PLS1: variants seen among roughly 807,000 people sequenced by gnomAD.
The protein encoded by PLS1 is plastin-1.
Under a neutral mutation model 73.7 loss-of-function variants are expected in PLS1, and 32 were observed. The observed-to-expected ratio is 0.43, with a 90% CI of 0.33 to 0.58. The LOEUF is 0.58. PLS1 is among the 20% of genes least tolerant of loss of function. The probability of loss-of-function intolerance (pLI) is 0.04; values close to 1 mark genes in which losing one functional copy is unlikely to be tolerated. For synonymous variants in PLS1, 217 were observed against 261.3 expected (o/e 0.83, Z 1.63); for missense variants, 633 against 740.5 (o/e 0.85, Z 1.68).
At chr3:142,630,813 TAG>T (rs915380177) in intron 1 of PLS1, among the ~76,000 whole-genome samples, 5 of 150,524 alleles carry the variant, frequency 3.3e-5, no homozygotes, top group Non-Finnish European at 5.9e-5. Flanking sequence ...TTGAAAAAAA[TAG>T]AGAGTGTACA....
intron 1 of PLS1, among the ~76,000 whole-genome samples, chr3:142,660,482 A>G (rs532244957): frequency 1.1e-3 from 162 of 152,110 alleles, no homozygotes; most frequent in Non-Finnish European, 2.1e-3. Flanking sequence ...GTTGGGCAAA[A>G]CTTTCTGACA....
intron 1 of PLS1, among the ~76,000 whole-genome samples, chr3:142,637,548 A>G (rs1027315503): frequency 2.0e-5 from 3 of 152,234 alleles, no homozygotes; most frequent in African/African-American, 7.2e-5. Context: ...CCTTAAAGCT[A>G]TTAAAAATCA....
intron 1 of PLS1, among the ~76,000 whole-genome samples, chr3:142,599,094 C>G (rs1371199649): frequency 2.0e-5 from 3 of 151,918 alleles, no homozygotes; most frequent in Non-Finnish European, 4.4e-5. Context: ...GATAAGCTCT[C>G]TGAAGGATGA....
chr3:142,654,191 T>C (rs1347430511), intron 1 of PLS1, among the ~76,000 whole-genome samples: 1 of 152,186 alleles, frequency 6.6e-6, no homozygotes, highest in African/African-American at 2.4e-5. Context: ...GGAGGGGATG[T>C]AGGTAAGCCC....
At chr3:142,665,536 A>G (rs1056315939) in intron 2 of PLS1, among the ~76,000 whole-genome samples, 1 of 152,194 alleles carries the variant, frequency 6.6e-6, no homozygotes, top group Non-Finnish European at 1.5e-5. Context: ...AAACTGGGCA[A>G]TTGTTGAAAT....
At chr3:142,641,932 TTTCTAC>T (rs2036851457) in intron 1 of PLS1, among the ~76,000 whole-genome samples, 1 of 152,124 alleles carries the variant, frequency 6.6e-6, no homozygotes, top group Non-Finnish European at 1.5e-5. Flanking sequence ...TGGCCTTTCT[TTTCTAC>T]TTCTAACTTT....
rs1467793359 is a variant in PLS1 at position 142,686,335 on chromosome 3, G to A, written c.940G>A (p.Glu314Lys). 1 of 1,611,772 alleles carries A rather than the reference G, an allele frequency of 6.2e-7. No homozygotes were observed. The highest frequency in any genetic ancestry group is 8.5e-7 in the Non-Finnish European group (1 of 1,177,912). Residue 314 changes from glutamate to lysine, a missense_variant, in exon 9 of 16, where the codon GAA becomes AAA. Physicochemically the swap from Glu to Lys is moderately conservative, Grantham distance 56. Coordinates refer to ENST00000457734, the MANE Select transcript of PLS1 (RefSeq NM_001145319.2). ...LLNQIAPKGG[E>K]DGPAIAIDLS... ...TAATCAGATTGCCCCTAAAGGTGGG[G>A]AAGATGGACCTGCCATTGCCATTGA...
At chr3:142,687,947 G>GT (rs1441539742) in intron 9 of PLS1, among the ~76,000 whole-genome samples, 3 of 138,130 alleles carry the variant, frequency 2.2e-5, no homozygotes, top group Admixed American at 7.0e-5. Flanking sequence ...GTCTTTATTT[G>GT]TTTGTTTTTT....
chr3:142,655,167 T>G (rs1482278393), intron 1 of PLS1, among the ~76,000 whole-genome samples: 1 of 151,986 alleles, frequency 6.6e-6, no homozygotes, highest in Admixed American at 6.6e-5. Flanking sequence ...GAATAATACA[T>G]AAGAAATGAA....
At chr3:142,607,394 C>T (rs1244093648) in intron 1 of PLS1, among the ~76,000 whole-genome samples, 1 of 152,184 alleles carries the variant, frequency 6.6e-6, no homozygotes, top group Non-Finnish European at 1.5e-5. Context: ...ATTCTCCTGC[C>T]TCAGCCTCCT....
intron 1 of PLS1, among the ~76,000 whole-genome samples, chr3:142,630,591 A>G (rs1435966957): frequency 6.6e-6 from 1 of 151,744 alleles, no homozygotes; most frequent in Non-Finnish European, 1.5e-5. Flanking sequence ...TCTCTACTAA[A>G]ATTACAAAAA....
At chr3:142,663,540 A>T (rs1167734775) in intron 1 of PLS1, among the ~76,000 whole-genome samples, 2 of 152,114 alleles carry the variant, frequency 1.3e-5, no homozygotes, top group Non-Finnish European at 2.9e-5. Context: ...TCTACAAAAA[A>T]CTTAAAAAAT....
At chr3:142,605,456 C>T (rs974077737) in intron 1 of PLS1, among the ~76,000 whole-genome samples, 3 of 152,196 alleles carry the variant, frequency 2.0e-5, no homozygotes, top group Non-Finnish European at 2.9e-5. Context: ...TGCAACCTTT[C>T]GCCTCCCGGG....
intron 1 of PLS1, among the ~76,000 whole-genome samples, chr3:142,631,382 A>C (rs1413158177): frequency 6.6e-6 from 1 of 151,962 alleles, no homozygotes; most frequent in Non-Finnish European, 1.5e-5. Flanking sequence ...GCTACTTGGG[A>C]GGCTGAGGTA....
chr3:142,650,211 CTTTTTTTTTT>C (rs1171297517), intron 1 of PLS1, among the ~76,000 whole-genome samples: 2 of 70,872 alleles, frequency 2.8e-5, no homozygotes, highest in African/African-American at 1.1e-4. Context: ...GCTTCTTCTT[CTTTTTTTTTT>C]TTTTTTTTTT....
At chr3:142,661,245 C>T (rs373284689) in intron 1 of PLS1, among the ~76,000 whole-genome samples, 49 of 152,210 alleles carry the variant, frequency 3.2e-4, no homozygotes, top group African/African-American at 1.2e-3. Context: ...AGGTGAGAAT[C>T]CAATGAAATG....
At chr3:142,697,069 A>G (rs926381964) in intron 11 of PLS1, among the ~76,000 whole-genome samples, 1 of 152,114 alleles carries the variant, frequency 6.6e-6, no homozygotes, top group African/African-American at 2.4e-5. Flanking sequence ...AAGCCATATA[A>G]TATATCACAA....
intron 12 of PLS1, among the ~76,000 whole-genome samples, chr3:142,701,144 TTTC>T (rs2038323610): frequency 6.6e-6 from 1 of 152,236 alleles, no homozygotes; most frequent in Non-Finnish European, 1.5e-5. Context: ...TTTTTCTTGC[TTTC>T]TTTGTGCTCA....
chr3:142,705,558 G>A (rs1325270337), intron 14 of PLS1, among the ~76,000 whole-genome samples: 1 of 152,184 alleles, frequency 6.6e-6, no homozygotes, highest in East Asian at 1.9e-4. Context: ...TTCATTCAGT[G>A]AGCCTTGTGT....
Sources: allele counts gnomAD v4.1 joint callset (sites outside exome capture counted in the v4.1 genomes callset), GRCh38; gene constraint gnomAD v4.1.1; transcripts MANE v1.5; gene names NCBI Gene and HGNC (gene_info 2026-07-23, HGNC 2026-07-21).